Variants in ASAH1 observed in about 807,000 individuals in gnomAD.
ASAH1 encodes the protein acid ceramidase.
Under a neutral mutation model 59.5 loss-of-function variants are expected in ASAH1, and 70 were observed. That is an observed-to-expected ratio of 1.18 (90% CI 0.97 to 1.43). The LOEUF (loss-of-function observed/expected upper bound fraction) is 1.43, where lower values mean the gene tolerates loss of function less well. Ranked by LOEUF, ASAH1 falls within the 40% of genes most tolerant of loss-of-function variation. The pLI, the probability that ASAH1 is intolerant of heterozygous loss-of-function variation, is 0.00. For missense variants in ASAH1, 660 were observed against 482.5 expected (o/e 1.37, Z -3.45); for synonymous variants, 213 against 166.5 (o/e 1.28, Z -2.15).
intron 3 of ASAH1, among the ~76,000 whole-genome samples, chr8:18,070,570 G>A (rs940266170): frequency 3.3e-5 from 5 of 152,218 alleles, no homozygotes; most frequent in Middle Eastern, 3.2e-3. Context: ...TTACAGGCAT[G>A]AGCCACCGTG....
chr8:18,071,992 T>C (rs1014427180), intron 2 of ASAH1, among the ~76,000 whole-genome samples: 1 of 152,240 alleles, frequency 6.6e-6, no homozygotes, highest in Non-Finnish European at 1.5e-5. Context: ...GCCCAAGCTG[T>C]ATTCTGTCAT....
chr8:18,079,166 G>A (rs542866085), intron 1 of ASAH1, among the ~76,000 whole-genome samples: 4 of 151,720 alleles, frequency 2.6e-5, no homozygotes, highest in Admixed American at 6.6e-5. Context: ...CTAGGTACTC[G>A]GAAGGCTGAG....
At chr8:18,062,547 A>G (rs929574620) in intron 7 of ASAH1, 124 bp from the exon 8 acceptor site, 16 of 1,070,874 alleles carry the variant, frequency 1.5e-5, no homozygotes, top group Non-Finnish European at 2.1e-5. Flanking sequence ...AATCCTAACA[A>G]GACCTTTACA....
chr8:18,059,242 G>A lies in ASAH1; in HGVS notation c.1041+99C>T, dbSNP rs555750143. 143 of 1,569,868 alleles carry A rather than the reference G, an allele frequency of 9.1e-5. 3 individuals carry two copies. In the South Asian group the frequency reaches 1.5e-3, roughly 17 times the overall value. On this transcript the variant is annotated intron_variant, in intron 12 of 13. Coordinates refer to ENST00000637790, the MANE Select transcript of ASAH1 (RefSeq NM_177924.5). ...GTGGCTAGAGATACTATGAAAAATAGGACGTTTATAAATTACTTGAAGGCC... is the reference window on the plus strand; with the variant it reads ...GTGGCTAGAGATACTATGAAAAATAAGACGTTTATAAATTACTTGAAGGCC...
chr8:18,076,229 T>C (rs1800398642), intron 1 of ASAH1: 1 of 155,514 alleles, frequency 6.4e-6, no homozygotes, highest in South Asian at 2.0e-4. Context: ...ATTTTCTTTC[T>C]TGTGAAGTCT....
intron 1 of ASAH1, among the ~76,000 whole-genome samples, chr8:18,080,570 G>A (rs1336117492): frequency 1.3e-5 from 2 of 151,654 alleles, no homozygotes; most frequent in Admixed American, 1.3e-4. Flanking sequence ...TTTTGTTTTT[G>A]TTTTCTGTGA....
At chr8:18,071,562 G>A (rs1417006024) in intron 2 of ASAH1, among the ~76,000 whole-genome samples, 172 bp from the exon 3 acceptor site, 2 of 152,078 alleles carry the variant, frequency 1.3e-5, no homozygotes, top group Admixed American at 6.5e-5. Context: ...CTTCTAGGTT[G>A]AGAACACAAT....
chr8:18,081,721 G>A (rs908203602), intron 1 of ASAH1, among the ~76,000 whole-genome samples: 1 of 152,172 alleles, frequency 6.6e-6, no homozygotes, highest in Non-Finnish European at 1.5e-5. Flanking sequence ...ATTTAAAGCT[G>A]CTTCTCATTA....
intron 3 of ASAH1, among the ~76,000 whole-genome samples, chr8:18,070,886 G>A (rs1023205097): frequency 5.9e-5 from 9 of 152,024 alleles, no homozygotes; most frequent in Non-Finnish European, 1.0e-4. Flanking sequence ...GAATCTCCAC[G>A]GTCCTTGGGG....
At chr8:18,068,072 C>T (rs577095348) in intron 4 of ASAH1, 12 of 152,192 alleles carry the variant, frequency 7.9e-5, no homozygotes, top group South Asian at 2.1e-4. Context: ...ACAAATGTGA[C>T]GTAATGGGTA....
At chr8:18,076,503 T>C (rs1800410351) in intron 1 of ASAH1, 1 of 152,206 alleles carries the variant, frequency 6.6e-6, no homozygotes, top group Non-Finnish European at 1.5e-5. Flanking sequence ...TCAAAAAAAG[T>C]CCACACAGAT....
chr8:18,064,681 C>T, intron 5 of ASAH1, 150 bp from the exon 6 acceptor site: 1 of 622,850 alleles, frequency 1.6e-6, no homozygotes, highest in Non-Finnish European at 2.8e-6. Context: ...AGGTGGTTTT[C>T]TTCCCCAGCC....
At chr8:18,084,633 A>G (rs1800819869), upstream of ASAH1, 1 of 1,611,166 alleles carries the variant, frequency 6.2e-7, no homozygotes, top group Non-Finnish European at 8.5e-7. Context: ...GGAGTGAGAG[A>G]GAATCGAATC....
intron 1 of ASAH1, among the ~76,000 whole-genome samples, chr8:18,082,970 ACT>A (rs1431684054): frequency 6.6e-6 from 1 of 152,214 alleles, no homozygotes; most frequent in Non-Finnish European, 1.5e-5. Flanking sequence ...TACAGGAAAA[ACT>A]GTATATACTA....
At chr8:18,067,704 GTTCTTACCA>G (rs1159562424) in intron 4 of ASAH1, 4 of 155,108 alleles carry the variant, frequency 2.6e-5, no homozygotes, top group Non-Finnish European at 5.7e-5. Flanking sequence ...GGCATATACC[GTTCTTACCA>G]TTTCCTTCCC....
At chr8:18,065,490 T>C (rs865774629) in intron 5 of ASAH1, 2 of 152,168 alleles carry the variant, frequency 1.3e-5, no homozygotes, top group African/African-American at 2.4e-5. Flanking sequence ...TTTAAAATAA[T>C]GACACTACTG....
intron 1 of ASAH1, 120 bp downstream of exon 1, chr8:18,083,861 C>T: frequency 1.3e-6 from 2 of 1,519,434 alleles, no homozygotes; most frequent in East Asian, 2.5e-5. Flanking sequence ...CCACAGACCC[C>T]CGTAAAGAAG....
intron 2 of ASAH1, among the ~76,000 whole-genome samples, chr8:18,071,959 T>C (rs1259305029): frequency 6.6e-6 from 1 of 152,190 alleles, no homozygotes; most frequent in African/African-American, 2.4e-5. Context: ...TCTTCTCTTC[T>C]CATTTTCCTG....
chr8:18,058,543 A>G lies in ASAH1; in HGVS notation c.1098+292T>C, dbSNP rs1799561304. 7.4e-6 allele frequency: 3 copies of G among 402,932 alleles called. No individual in the cohort carries two copies. In the East Asian group the frequency reaches 1.5e-4, roughly 20 times the overall value. The allele number at this position is 402,932 out of a possible 1,614,324, so 25.0% of individuals were successfully genotyped here. A position where few individuals can be genotyped will look rare whatever the true frequency, so the allele number is the denominator to read the frequency against. ...TTGTTGACATTTAGGTGTTAGTTAT[A>G]TAGTGTGAGATTTTTAATAGATACC... On this transcript the variant is annotated intron_variant, in intron 13 of 13. Transcript: ENST00000637790.
Sources: allele counts gnomAD v4.1 joint callset (sites outside exome capture counted in the v4.1 genomes callset), GRCh38; gene constraint gnomAD v4.1.1; transcripts MANE v1.5; gene names NCBI Gene and HGNC (gene_info 2026-07-23, HGNC 2026-07-21).